NDUFS4: variants seen among roughly 807,000 people sequenced by gnomAD.
NDUFS4 encodes the protein NADH:ubiquinone oxidoreductase subunit S4.
A neutral mutation model predicts 24.3 loss-of-function variants in NDUFS4; 28 were observed. The ratio of observed to expected loss-of-function variants is 1.15; its 90% CI spans 0.85 to 1.58. The LOEUF is 1.58. NDUFS4 is among the 40% of genes most tolerant of loss of function. The pLI is 0.00. For missense variants in NDUFS4, 223 were observed against 207.9 expected (o/e 1.07, Z -0.45); for synonymous variants, 93 against 69.7 (o/e 1.34, Z -1.67).
At chr5:53,582,255 A>AAAT (rs779011138) in intron 1 of NDUFS4, among the ~76,000 whole-genome samples, 21,772 of 130,176 alleles carry the variant, frequency 0.17, 1,844 homozygotes, top group Non-Finnish European at 0.21. Context: ...TTAAATTAAA[A>AAAT]TAAAAATAAA....
chr5:53,592,725 C>T (rs1180869950), intron 1 of NDUFS4, among the ~76,000 whole-genome samples: 1 of 152,110 alleles, frequency 6.6e-6, no homozygotes, highest in East Asian at 1.9e-4. Context: ...CTGTTCCATT[C>T]ATCTATTTAT....
intron 2 of NDUFS4, among the ~76,000 whole-genome samples, chr5:53,604,310 C>T (rs1481819369): frequency 6.6e-6 from 1 of 152,178 alleles, no homozygotes; most frequent in African/African-American, 2.4e-5. Context: ...CAACTTTGAG[C>T]CTGTAAGCCC....
intron 1 of NDUFS4, among the ~76,000 whole-genome samples, chr5:53,600,569 G>T (rs549996774): frequency 9.9e-4 from 151 of 151,886 alleles, no homozygotes; most frequent in African/African-American, 3.5e-3. Flanking sequence ...TCAGCTTCCT[G>T]AAGTGCTGGG....
intron 1 of NDUFS4, among the ~76,000 whole-genome samples, chr5:53,596,352 G>A (rs1489470803): frequency 6.6e-6 from 1 of 152,138 alleles, no homozygotes; most frequent in Non-Finnish European, 1.5e-5. Flanking sequence ...AGGATCGCTT[G>A]AGCCAAGGAG....
intron 4 of NDUFS4, among the ~76,000 whole-genome samples, chr5:53,659,963 A>C (rs1752282434): frequency 6.6e-6 from 1 of 152,100 alleles, no homozygotes; most frequent in Non-Finnish European, 1.5e-5. Flanking sequence ...GACAAATACT[A>C]TATGATAGTA....
chr5:53,646,723 A>T (rs944693769), intron 3 of NDUFS4, among the ~76,000 whole-genome samples: 1 of 152,088 alleles, frequency 6.6e-6, no homozygotes, highest in Non-Finnish European at 1.5e-5. Flanking sequence ...TTTGCTTTCT[A>T]CGGTTTCAGT....
chr5:53,646,833 A>T (rs1751880349), intron 3 of NDUFS4, among the ~76,000 whole-genome samples: 1 of 152,142 alleles, frequency 6.6e-6, no homozygotes, highest in African/African-American at 2.4e-5. Flanking sequence ...GTTCAATTTT[A>T]TTACAACTTA....
chr5:53,589,472 G>T (rs542419102), intron 1 of NDUFS4, among the ~76,000 whole-genome samples: 1 of 152,330 alleles, frequency 6.6e-6, no homozygotes, highest in Admixed American at 6.5e-5. Flanking sequence ...GTTAGGCATT[G>T]ACTTCTAAAG....
chr5:53,626,435 A>T (rs1440073296), intron 2 of NDUFS4, among the ~76,000 whole-genome samples: 1 of 152,210 alleles, frequency 6.6e-6, no homozygotes, highest in African/African-American at 2.4e-5. Flanking sequence ...TTCTAGTTCT[A>T]GATCCTTGAG....
chr5:53,641,051 G>T (rs992157780), intron 2 of NDUFS4, among the ~76,000 whole-genome samples: 3 of 152,132 alleles, frequency 2.0e-5, no homozygotes, highest in Non-Finnish European at 4.4e-5. Context: ...TGTTTTCACT[G>T]TTGCTCATTG....
intron 3 of NDUFS4, among the ~76,000 whole-genome samples, chr5:53,657,672 A>G (rs184370571): frequency 2.0e-5 from 3 of 152,032 alleles, no homozygotes; most frequent in Admixed American, 1.3e-4. Context: ...AACCTGTAAT[A>G]CCAGCACTTT....
chr5:53,629,898 G>T (rs971315575), intron 2 of NDUFS4, among the ~76,000 whole-genome samples: 1 of 152,126 alleles, frequency 6.6e-6, no homozygotes, highest in Non-Finnish European at 1.5e-5. Flanking sequence ...ATATTGTTAT[G>T]TGTGAATTTG....
intron 3 of NDUFS4, among the ~76,000 whole-genome samples, chr5:53,651,551 C>A (rs995846381): frequency 6.6e-6 from 1 of 151,506 alleles, no homozygotes; most frequent in African/African-American, 2.4e-5. Flanking sequence ...TAAAACCTGG[C>A]TAGATAAGTC....
intron 2 of NDUFS4, among the ~76,000 whole-genome samples, chr5:53,613,559 A>G (rs1046001244): frequency 2.0e-5 from 3 of 151,630 alleles, no homozygotes; most frequent in East Asian, 1.9e-4. Flanking sequence ...ATGACTAAAT[A>G]TAAATGTTTG....
At chr5:53,574,986 G>A (rs1323057803) in intron 1 of NDUFS4, among the ~76,000 whole-genome samples, 1 of 152,150 alleles carries the variant, frequency 6.6e-6, no homozygotes, top group Non-Finnish European at 1.5e-5. Context: ...GGACTTAGAA[G>A]AAGAACCCTC....
intron 4 of NDUFS4, among the ~76,000 whole-genome samples, chr5:53,677,081 T>A (rs1373493100): frequency 1.3e-5 from 2 of 152,206 alleles, no homozygotes; most frequent in Non-Finnish European, 2.9e-5. Context: ...AAATGTGTTC[T>A]AAATTTCTAA....
chr5:53,603,953 C>A (rs1350022571), intron 2 of NDUFS4, among the ~76,000 whole-genome samples: 1 of 152,024 alleles, frequency 6.6e-6, no homozygotes, highest in African/African-American at 2.4e-5. Flanking sequence ...TATGTATATG[C>A]ATACAAACAC....
chr5:53,652,725 A>G (rs1310522020), intron 3 of NDUFS4, among the ~76,000 whole-genome samples: 7 of 152,188 alleles, frequency 4.6e-5, no homozygotes, highest in African/African-American at 1.4e-4. Context: ...TGCTCTTTTA[A>G]TTACCTGAGT....
At chr5:53,594,458 G>T (rs77829437) in intron 1 of NDUFS4, among the ~76,000 whole-genome samples, 2 of 151,976 alleles carry the variant, frequency 1.3e-5, no homozygotes, top group African/African-American at 4.8e-5. Context: ...ATATGTAGTT[G>T]TGTCTTATTT....
Sources: allele counts gnomAD v4.1 joint callset (sites outside exome capture counted in the v4.1 genomes callset), GRCh38; gene constraint gnomAD v4.1.1; transcripts MANE v1.5; gene names NCBI Gene and HGNC (gene_info 2026-07-23, HGNC 2026-07-21).